Variants in PSKH1 observed in about 807,000 individuals in gnomAD.
PSKH1 encodes protein serine kinase H1.
In PSKH1, 12 loss-of-function variants were observed where a neutral mutation model predicts 26.7. That is an observed-to-expected ratio of 0.45 (90% CI 0.29 to 0.73). PSKH1 has a LOEUF of 0.73. Among genes scored for constraint, PSKH1 ranks in the 30% least tolerant of loss-of-function variants. PSKH1 has a pLI of 0.11. For synonymous variants in PSKH1, 213 were observed against 234.3 expected, an observed-to-expected ratio of 0.91 and a Z score of 0.83; for missense variants, 431 against 595.2, an observed-to-expected ratio of 0.72 and a Z score of 2.87.
At chr16:67,922,293 C>A (rs898581017) in intron 2 of PSKH1, among the ~76,000 whole-genome samples, 1 of 152,230 alleles carries the variant, frequency 6.6e-6, no homozygotes, top group Non-Finnish European at 1.5e-5. Flanking sequence ...AGCTCTGTTT[C>A]CAGAATTTCC....
chr16:67,917,017 T>G (rs969067659), intron 2 of PSKH1, among the ~76,000 whole-genome samples: 3 of 152,206 alleles, frequency 2.0e-5, no homozygotes, highest in Non-Finnish European at 4.4e-5. Context: ...ACCAAGCTTC[T>G]GCCTCAACTG....
At position 67,904,620 on chromosome 16, in the gene PSKH1, G is replaced by A. The variant is rs545838710; in HGVS notation, c.-70-4060G>A. Among the ~76,000 whole-genome samples, 1,081 of 151,836 alleles carry A rather than the reference G, an allele frequency of 7.1e-3. 11 individuals are homozygous for A. The highest frequency in any genetic ancestry group is 0.027 in the Middle Eastern group (8 of 292). On this transcript the variant is annotated intron_variant, in intron 1 of 2. Coordinates refer to ENST00000291041, the MANE Select transcript of PSKH1 (RefSeq NM_006742.3). The stretch of plus-strand genomic sequence containing the variant: ...CTCCCAAAGTGCTAGGATTACAGGC[G>A]TGAGCTGCCGTGCCTGGCCTACCCA...
At chr16:67,894,920 A>AT (rs2058121805) in intron 1 of PSKH1, among the ~76,000 whole-genome samples, 1 of 137,528 alleles carries the variant, frequency 7.3e-6, no homozygotes, top group Admixed American at 7.3e-5. Context: ...TGTCTGAGTT[A>AT]GTTTTTTTTT....
At chr16:67,912,874 A>G (rs914029840) in intron 2 of PSKH1, among the ~76,000 whole-genome samples, 1 of 151,490 alleles carries the variant, frequency 6.6e-6, no homozygotes, top group Non-Finnish European at 1.5e-5. Flanking sequence ...GTCTCAAAAA[A>G]AGAAACAAAA....
intron 2 of PSKH1, among the ~76,000 whole-genome samples, chr16:67,917,029 T>A (rs1255028525): frequency 6.6e-6 from 1 of 152,222 alleles, no homozygotes; most frequent in Non-Finnish European, 1.5e-5. Flanking sequence ...CCTCAACTGT[T>A]CACGCTGCTC....
intron 1 of PSKH1, 45 bp from the exon 2 acceptor site, chr16:67,908,635 T>C (rs1472510362): frequency 4.5e-6 from 4 of 890,464 alleles, no homozygotes; most frequent in Non-Finnish European, 6.7e-6. Flanking sequence ...CTGATTTCCT[T>C]AGAGTTGGCC....
At position 67,929,627 on chromosome 16, in the gene PSKH1, G is replaced by A; in HGVS notation, c.*1985G>A. ...TATTCAGTTTGTAAACGTATCCTCT[G>A]TATTCAGTAAACAGGCTGCCTCTCC... is the stretch of plus-strand genomic sequence containing the variant. On this transcript the variant is annotated 3_prime_UTR_variant, in exon 3 of 3. Transcript: ENST00000291041. 2.4e-6 allele frequency: 1 copy of A among 424,206 alleles called. No homozygotes were observed. Among genetic ancestry groups the A allele is most frequent in the African/African-American group, 2.0e-5 (1 of 50,760 alleles). 26.3% of individuals were successfully genotyped at this position (424,206 alleles called of 1,614,324 possible).
intron 1 of PSKH1, among the ~76,000 whole-genome samples, chr16:67,907,794 G>C (rs980297159): frequency 1.3e-5 from 2 of 152,162 alleles, no homozygotes; most frequent in African/African-American, 4.8e-5. Flanking sequence ...CCAGGAGAAT[G>C]AGGGAGAGCC....
Position 67,927,769 on chromosome 16 carries a change from A to G in PSKH1, c.*127A>G. On this transcript the variant is annotated 3_prime_UTR_variant, in exon 3 of 3. Transcript: ENST00000291041. This position sits in a 1 kb window ranked among gnomAD's most constrained non-coding sequence, Gnocchi z 5.5. ...CAGTAGGTGAAGAATGTCTGGCTCC[A>G]GCCCTTTCTCTGTGCCTTCAGCAGC... 2 of 1,170,828 alleles carry G rather than the reference A, an allele frequency of 1.7e-6. No homozygotes were observed. The highest frequency in any genetic ancestry group is 2.4e-6 in the Non-Finnish European group (2 of 850,000). 72.5% of individuals were successfully genotyped at this position (1,170,828 alleles called of 1,614,324 possible). A position where few individuals can be genotyped will look rare whatever the true frequency, so the allele number is the denominator to read the frequency against.
intron 2 of PSKH1, among the ~76,000 whole-genome samples, chr16:67,922,722 A>G (rs1031179766): frequency 6.6e-6 from 1 of 152,228 alleles, no homozygotes; most frequent in Non-Finnish European, 1.5e-5. Context: ...TAAGGCCGAC[A>G]GAGAAGGTAG....
intron 1 of PSKH1, among the ~76,000 whole-genome samples, chr16:67,905,939 T>C (rs1440427024): frequency 6.6e-6 from 1 of 152,090 alleles, no homozygotes; most frequent in Non-Finnish European, 1.5e-5. Context: ...TACTTGTTTG[T>C]GTGTGTGTGT....
chr16:67,923,842 C>A (rs2058209534), intron 2 of PSKH1, among the ~76,000 whole-genome samples: 1 of 152,212 alleles, frequency 6.6e-6, no homozygotes, highest in African/African-American at 2.4e-5. Context: ...AGAATGCTTC[C>A]CAGCCAGTCA....
intron 1 of PSKH1, among the ~76,000 whole-genome samples, chr16:67,904,146 G>T (rs2058149394): frequency 6.6e-6 from 1 of 151,408 alleles, no homozygotes; most frequent in Non-Finnish European, 1.5e-5. Context: ...CTCCAGATTA[G>T]CTGAGATTAC....
Position 67,927,773 on chromosome 16 carries a change from C to G in PSKH1, c.*131C>G. On this transcript the variant is annotated 3_prime_UTR_variant, in exon 3 of 3. Transcript: ENST00000291041. The surrounding 1 kb of genome is among the most constrained non-coding windows in gnomAD (Gnocchi z 5.5). ...AGGTGAAGAATGTCTGGCTCCAGCC[C>G]TTTCTCTGTGCCTTCAGCAGCCCCT... The G allele has an allele frequency of 1.8e-6, 2 of 1,131,652 alleles. No individual in the cohort carries two copies. Among genetic ancestry groups the G allele is most frequent in the Non-Finnish European group, 2.5e-6 (2 of 815,062 alleles). The allele number at this position is 1,131,652 out of a possible 1,614,324, so 70.1% of individuals were successfully genotyped here. A position where few individuals can be genotyped will look rare whatever the true frequency, so the allele number is the denominator to read the frequency against.
At position 67,909,279 on chromosome 16, in the gene PSKH1, G is replaced by A. The variant is rs2058166390; in HGVS notation, c.530G>A (p.Gly177Asp). ...TACATGGTGATGGAGCTGGCCACTGGTGGAGAGCTCTTTGACCGCATCATT... is the reference window on the plus strand; with the variant it reads ...TACATGGTGATGGAGCTGGCCACTGATGGAGAGCTCTTTGACCGCATCATT... ...RVYMVMELAT[G>D]GELFDRIIAK... Residue 177 changes from glycine to aspartate, a missense_variant, in exon 2 of 3, where the codon GGT becomes GAT. Coordinates refer to ENST00000291041, the MANE Select transcript of PSKH1 (RefSeq NM_006742.3). This position sits in a 1 kb window ranked among gnomAD's most constrained non-coding sequence, Gnocchi z 7.8. 1 of 1,614,066 alleles carries A rather than the reference G, an allele frequency of 6.2e-7. No individual in the cohort carries two copies. Among genetic ancestry groups the A allele is most frequent in the Admixed American group, 1.7e-5 (1 of 59,994 alleles).
intron 1 of PSKH1, 145 bp from the exon 2 acceptor site, chr16:67,908,534 GT>G (rs564427595): frequency 3.9e-4 from 189 of 484,888 alleles, no homozygotes; most frequent in Non-Finnish European, 6.6e-4. Flanking sequence ...TTCCCAAGGT[GT>G]TGGGATTACA....
intron 2 of PSKH1, among the ~76,000 whole-genome samples, chr16:67,924,542 A>G (rs2151315221): frequency 6.6e-6 from 1 of 152,242 alleles, no homozygotes; most frequent in East Asian, 1.9e-4. Flanking sequence ...CTGGGTGTGG[A>G]TGTGAAGTGG....
intron 2 of PSKH1, among the ~76,000 whole-genome samples, chr16:67,911,927 G>GGGA (rs2058174488): frequency 6.6e-6 from 1 of 152,224 alleles, no homozygotes; most frequent in South Asian, 2.1e-4. Context: ...ACAGGCACAA[G>GGGA]GGAGGGTATC....
At chr16:67,917,150 A>G (rs1295680880) in intron 2 of PSKH1, among the ~76,000 whole-genome samples, 1 of 152,148 alleles carries the variant, frequency 6.6e-6, no homozygotes, top group African/African-American at 2.4e-5. Context: ...CCCATCTCCA[A>G]TCTATGACAA....
Sources: gnomAD v4.1 joint callset for allele counts (sites outside exome capture counted in the v4.1 genomes callset) on GRCh38, gnomAD v4.1.1 for gene constraint, Gnocchi (gnomAD v3.1) non-coding constraint, MANE v1.5 for transcripts, NCBI Gene and HGNC (gene_info 2026-07-23, HGNC 2026-07-21) for gene names.